The following IGSF9 variants were observed in gnomAD, a reference collection of about 807,000 sequenced individuals.
The protein encoded by IGSF9 is protein turtle homolog A.
In IGSF9, 87 loss-of-function variants were observed where a neutral mutation model predicts 121.7. The observed-to-expected ratio is 0.71, with a 90% confidence interval of 0.60 to 0.85. The LOEUF is 0.85. Among genes scored for constraint, IGSF9 ranks in the 40% least tolerant of loss-of-function variants. The pLI is 0.00. For missense variants in IGSF9, 1,462 were observed against 1,565.3 expected, an observed-to-expected ratio of 0.93 and a Z score of 1.11; for synonymous variants, 640 against 648.4, an observed-to-expected ratio of 0.99 and a Z score of 0.20.
At position 159,929,687 on chromosome 1, in the gene IGSF9, G is replaced by C; in HGVS notation, c.2277C>G (p.Leu759=). ...AVLVSILAGC[L]LNRRRAARRR... ...GGCGGGCAGCCCTGCGCCGGTTCAG[G>C]AGGCAGCCGGCCAGGATGCTCACAA... The change falls in exon 17 of 21, where the codon CTC becomes CTG. Residue 759 remains leucine (L), a synonymous_variant. Coordinates refer to ENST00000368094, the MANE Select transcript of IGSF9 (RefSeq NM_001135050.2). The C allele has an allele frequency of 6.3e-7, 1 of 1,597,528 alleles. No individual in the cohort carries two copies. Among genetic ancestry groups the C allele is most frequent in the Non-Finnish European group, 8.5e-7 (1 of 1,173,590 alleles).
chr1:159,930,522 TTC>T, intron 14 of IGSF9, 83 bp from the exon 15 acceptor site: 1 of 1,518,670 alleles, frequency 6.6e-7, no homozygotes, highest in South Asian at 1.3e-5. Context: ...TGCCCAACTC[TTC>T]TCCCAGAACC....
In IGSF9 at chr1:159,934,297, G is replaced by T. The variant is rs1482764587; in HGVS notation, c.997C>A (p.Pro333Thr). ...AQVTAMPPET[P>T]LPIGMPGVIR... ...ACCCCCGGCATGCCTATGGGCAGGG[G>T]TGTCTCAGGAGGCATAGCTGTCACC... The change falls in exon 9 of 21, where the codon CCC (proline) becomes ACC (threonine). Residue 333 changes from proline to threonine, a missense_variant. Around this residue, in one of 3 missense-constraint regions of IGSF9, gnomAD observed 558 missense variants for 599.4 expected, o/e 0.93. Coordinates refer to ENST00000368094, the MANE Select transcript of IGSF9 (RefSeq NM_001135050.2). 3.7e-6 allele frequency: 6 copies of T among 1,609,990 alleles called. No individual in the cohort carries two copies. The highest frequency in any genetic ancestry group is 3.4e-6 in the Non-Finnish European group (4 of 1,178,008).
Position 159,931,185 on chromosome 1 carries a change from G to A in IGSF9, c.1590C>T (p.Gly530=), listed in dbSNP as rs752980489. Reference sequence around the variant, plus strand: ...ATCTCTGCAGATAACCACCATCAAAGCCAGGCTCCCAGGAGACATTGGCAC... The same window carrying A: ...ATCTCTGCAGATAACCACCATCAAAACCAGGCTCCCAGGAGACATTGGCAC... ...PKGANVSWEP[G]FDGGYLQRFS... Residue 530 remains glycine, a synonymous_variant, in exon 13 of 21, where the codon GGC becomes GGT. Coordinates refer to ENST00000368094, the MANE Select transcript of IGSF9 (RefSeq NM_001135050.2). The surrounding 1 kb of genome is among the most constrained non-coding windows in gnomAD (Gnocchi z 4.8). 81 of 1,614,014 alleles carry A rather than the reference G, an allele frequency of 5.0e-5. 1 individual carries two copies. In the South Asian group the frequency reaches 7.7e-4, roughly 15 times the overall value.
Position 159,929,369 on chromosome 1 carries a change from G to A in IGSF9, c.2351C>T (p.Thr784Ile), listed in dbSNP as rs758442727. The A allele has an allele frequency of 1.2e-6, 2 of 1,614,184 alleles. No individual in the cohort carries two copies. The highest frequency in any genetic ancestry group is 1.7e-6 in the Non-Finnish European group (2 of 1,180,012). ...CACTTACGGTGCAGCTGACTTCCCG[G>A]TCGGAGAGAAGATAAGAGGTGGATC... ...RQDPPLIFSP[T>I]GKSAAPSALG... is the part of the protein sequence containing the mutation. Residue 784 changes from threonine (T) to isoleucine (I), a missense_variant, in exon 18 of 21, where the codon ACC becomes ATC. Transcript: ENST00000368094.
chr1:159,931,723 CA>C lies in IGSF9; in HGVS notation c.1362+88del. 6.7e-7 allele frequency: 1 copy of C among 1,483,548 alleles called. No homozygotes were observed. The highest frequency in any genetic ancestry group is 9.2e-7 in the Non-Finnish European group (1 of 1,085,946). The allele number at this position is 1,483,548 out of a possible 1,614,324, so 91.9% of individuals were successfully genotyped here. ...CTGCCTCTGACAGCCTTCTCCTTCCCACACCCTCCCTCCCACAAAATGGCTG... is the reference window on the plus strand; with the variant it reads ...CTGCCTCTGACAGCCTTCTCCTTCCCCACCCTCCCTCCCACAAAATGGCTG... On this transcript the variant is annotated intron_variant, in intron 11 of 20. Transcript: ENST00000368094. The surrounding 1 kb of genome is among the most constrained non-coding windows in gnomAD (Gnocchi z 4.8).
At chr1:159,933,140 GAGCCCA>G in intron 9 of IGSF9, 1 of 155,128 alleles carries the variant, frequency 6.4e-6, no homozygotes, top group Admixed American at 6.3e-5. Flanking sequence ...GTCAGAGCAT[GAGCCCA>G]TTCATCTTCA....
rs150218839 is a variant in IGSF9 at position 159,931,909 on chromosome 1, T to C, written c.1265A>G (p.Glu422Gly). 6.3e-7 allele frequency: 1 copy of C among 1,594,456 alleles called. No homozygotes were observed. The highest frequency in any genetic ancestry group is 8.5e-7 in the Non-Finnish European group (1 of 1,174,334). Residue 422 changes from glutamate (E) to glycine (G), a missense_variant, in exon 11 of 21, where the codon GAG (glutamate) becomes GGG (glycine). This residue lies in a region of IGSF9 where 558 missense variants were observed against 599.4 expected (regional missense o/e 0.93). Coordinates refer to ENST00000368094, the MANE Select transcript of IGSF9 (RefSeq NM_001135050.2). The surrounding 1 kb of genome is among the most constrained non-coding windows in gnomAD (Gnocchi z 4.8). ...VLLKAPPAFI[E>G]RPKEEYFQEV... ...TTGGAAATATTCTTCCTTGGGCCGC[T>C]CTATAAAAGCTGGGGGAGCCTGCAA...
chr1:159,931,308 G>GTA lies in IGSF9; in HGVS notation c.1514-49_1514-48dup, dbSNP rs754378394. 23 of 1,612,030 alleles carry GTA rather than the reference G, an allele frequency of 1.4e-5. No individual in the cohort carries two copies. The East Asian group carries it at 4.9e-4, about 34-fold the overall frequency. On this transcript the variant is annotated intron_variant, in intron 12 of 20. Transcript: ENST00000368094. This position sits in a 1 kb window ranked among gnomAD's most constrained non-coding sequence, Gnocchi z 4.8. Reference sequence around the variant, plus strand: ...GATGGTGGTCAGGGCCTGAGGGAGTGTACAGAGTAGCAGGGGCCCCAGGGC... The same window carrying GTA: ...GATGGTGGTCAGGGCCTGAGGGAGTGTATACAGAGTAGCAGGGGCCCCAGGGC...
chr1:159,928,504 G>A lies in IGSF9; in HGVS notation c.2884C>T (p.Pro962Ser). 3.2e-6 allele frequency: 5 copies of A among 1,575,772 alleles called. No individual in the cohort carries two copies. In the African/African-American group the frequency reaches 4.0e-5, roughly 13 times the overall value. The change falls in exon 19 of 21, where the codon CCC becomes TCC. Residue 962 changes from proline to serine, a missense_variant. Transcript: ENST00000368094. ...GGAGAACGAAGGAAAGATGAGGTGG[G>A]ACAGCGCCGGGTATCCATGTAATCT... Reference protein sequence around the residue: ...PPDYMDTRRCPTSSFLRSPET... With the variant: ...PPDYMDTRRCSTSSFLRSPET...
rs1217730734 is a variant in IGSF9 at position 159,929,883 on chromosome 1, G to A, written c.2149+8C>T. 2 of 1,575,868 alleles carry A rather than the reference G, an allele frequency of 1.3e-6. No individual in the cohort carries two copies. Among genetic ancestry groups the A allele is most frequent in the Admixed American group, 1.8e-5 (1 of 54,074 alleles). ...CCCTGGGGCTCCTCCCTCACGCCAG[G>A]TGCTCACCGGAAGTGGAGACGTTGG... On this transcript the variant is annotated splice_region_variant and intron_variant, in intron 16 of 20. Coordinates refer to ENST00000368094, the MANE Select transcript of IGSF9 (RefSeq NM_001135050.2).
At chr1:159,936,274 A>G (rs1651180368) in intron 6 of IGSF9, 125 bp downstream of exon 6, 2 of 813,102 alleles carry the variant, frequency 2.5e-6, no homozygotes, top group Admixed American at 3.9e-5. Flanking sequence ...GAACCCCCTT[A>G]GCTTCCACGG....
Position 159,931,996 on chromosome 1 carries a change from G to A in IGSF9, c.1246-68C>T. On this transcript the variant is annotated intron_variant, in intron 10 of 20. Transcript: ENST00000368094. This position sits in a 1 kb window ranked among gnomAD's most constrained non-coding sequence, Gnocchi z 4.8. ...CTAAGGCTGGCTACTCCCTCTCTCT[G>A]TGCTCCCTGTCATGCCATGTCTCAC... 2.1e-6 allele frequency: 2 copies of A among 958,270 alleles called. No homozygotes were observed. Among genetic ancestry groups the A allele is most frequent in the Non-Finnish European group, 3.2e-6 (2 of 624,506 alleles). The allele number at this position is 958,270 out of a possible 1,614,324, so 59.4% of individuals were successfully genotyped here.
chr1:159,928,090 T>C (rs1315987639), intron 19 of IGSF9, 68 bp downstream of exon 19: 6 of 1,559,862 alleles, frequency 3.8e-6, no homozygotes, highest in Non-Finnish European at 5.2e-6. Flanking sequence ...TGCAGGGTAT[T>C]GGGAGAGGGG....
Position 159,928,408 on chromosome 1 carries a change from G to A in IGSF9, c.2980C>T (p.Pro994Ser), listed in dbSNP as rs1423822030. Residue 994 changes from proline to serine, a missense_variant, in exon 19 of 21, where the codon CCC becomes TCC. This residue lies in a region of IGSF9 where 808 missense variants were observed against 815.2 expected (regional missense o/e 0.99). Transcript: ENST00000368094. ...CAGTCAGCCAGGGCTGTGTAAGGGGGCTCTGCAGTGGCCCCAGCCCCTACC... is the reference window on the plus strand; with the variant it reads ...CAGTCAGCCAGGGCTGTGTAAGGGGACTCTGCAGTGGCCCCAGCCCCTACC... ...AVVGAGATAEPPYTALADWTL... is the reference protein window; with the variant it reads ...AVVGAGATAESPYTALADWTL... 2.5e-6 allele frequency: 4 copies of A among 1,602,740 alleles called. No individual in the cohort carries two copies. Among genetic ancestry groups the A allele is most frequent in the South Asian group, 2.3e-5 (2 of 85,840 alleles).
intron 3 of IGSF9, among the ~76,000 whole-genome samples, chr1:159,938,438 G>A (rs573106994): frequency 1.1e-3 from 170 of 152,254 alleles, no homozygotes; most frequent in Middle Eastern, 6.8e-3. Flanking sequence ...CATGCCCCGG[G>A]GCACTCCAGT....
intron 3 of IGSF9, among the ~76,000 whole-genome samples, chr1:159,939,153 A>G (rs1651293752): frequency 6.6e-6 from 1 of 152,098 alleles, no homozygotes; most frequent in Non-Finnish European, 1.5e-5. Flanking sequence ...CCTACTTGCC[A>G]GTCTCCCTGC....
At chr1:159,944,572 CA>C (rs1050097364) in intron 1 of IGSF9, among the ~76,000 whole-genome samples, 1 of 151,674 alleles carries the variant, frequency 6.6e-6, no homozygotes, top group Non-Finnish European at 1.5e-5. Context: ...AGGCATGGTC[CA>C]AAAAAAAGCC....
intron 6 of IGSF9, among the ~76,000 whole-genome samples, chr1:159,935,366 C>T (rs999148992): frequency 2.6e-5 from 4 of 152,188 alleles, no homozygotes; most frequent in Non-Finnish European, 4.4e-5. Context: ...TGGACCCCTG[C>T]GATCCAAACC....
rs1441156917 is a variant in IGSF9 at position 159,930,172 on chromosome 1, T to C, written c.2064+17A>G. 1 of 1,587,556 alleles carries C rather than the reference T, an allele frequency of 6.3e-7. No homozygotes were observed. Among genetic ancestry groups the C allele is most frequent in the Admixed American group, 1.7e-5 (1 of 57,364 alleles). On this transcript the variant is annotated intron_variant, in intron 15 of 20. Transcript: ENST00000368094. Reference sequence around the variant, plus strand: ...AGCCCCTAGGAGGCCTCTCTCTGTATCGCCTTTCGCACATACCTTGATGAG... The same window carrying C: ...AGCCCCTAGGAGGCCTCTCTCTGTACCGCCTTTCGCACATACCTTGATGAG...
Sources: allele counts gnomAD v4.1 joint callset (sites outside exome capture counted in the v4.1 genomes callset), GRCh38; gene constraint gnomAD v4.1.1; regional missense constraint gnomAD v4.1.1; non-coding constraint Gnocchi (gnomAD v3.1); transcripts MANE v1.5; gene names NCBI Gene and HGNC (gene_info 2026-07-23, HGNC 2026-07-21).